Variants in MTAP observed in about 807,000 individuals in gnomAD.
MTAP encodes the protein methylthioadenosine phosphorylase, also known as S-methyl-5'-thioadenosine phosphorylase.
MTAP carries 33 observed loss-of-function variants against 33.6 expected under a neutral mutation model. That is an observed-to-expected ratio of 0.98 (90% CI 0.74 to 1.31). The LOEUF (loss-of-function observed/expected upper bound fraction) is 1.31. MTAP is among the 40% of genes most tolerant of loss of function. MTAP has a pLI of 0.00. For missense variants in MTAP, 367 were observed against 360.0 expected, an observed-to-expected ratio of 1.02 and a Z score of -0.16; for synonymous variants, 148 against 125.7, an observed-to-expected ratio of 1.18 and a Z score of -1.19.
chr9:21,883,119 A>T lies in MTAP; in HGVS notation c.147+28249A>T, dbSNP rs1818042147. The stretch of plus-strand genomic sequence containing the variant: ...ACAGGAGAAGATATATGCAATACTT[A>T]TAACTGAAAAAAAAAACAAAAACTG... On this transcript the variant is annotated intron_variant, in intron 1 of 1. Coordinates refer to the MTAP transcript ENST00000577563. Among the ~76,000 whole-genome samples, 3 of 151,772 alleles carry T rather than the reference A, an allele frequency of 2.0e-5. No homozygotes were observed. In the South Asian group the frequency reaches 6.2e-4, roughly 31 times the overall value.
intron 1 of MTAP, among the ~76,000 whole-genome samples, chr9:21,875,285 C>CA (rs1248970799): frequency 2.6e-5 from 4 of 152,070 alleles, no homozygotes; most frequent in Non-Finnish European, 5.9e-5. Flanking sequence ...TAATGATCGC[C>CA]ATTCTAACTG....
At chr9:21,915,021 T>TCCCTCCCTCCCTCCC (rs1563869363) in intron 1 of MTAP, among the ~76,000 whole-genome samples, 1 of 98,998 alleles carries the variant, frequency 1.0e-5, no homozygotes, top group African/African-American at 5.8e-5. Flanking sequence ...CCTTCCTTCC[T>TCCCTCCCTCCCTCCC]TCCTTCCTTC....
chr9:21,823,171 A>T (rs937507081), intron 4 of MTAP, among the ~76,000 whole-genome samples: 3 of 152,142 alleles, frequency 2.0e-5, no homozygotes, highest in African/African-American at 7.2e-5. Context: ...TCCTGTCACT[A>T]TGATGTTAGC....
chr9:21,846,561 G>C (rs918417949), intron 5 of MTAP, among the ~76,000 whole-genome samples: 14 of 152,138 alleles, frequency 9.2e-5, no homozygotes, highest in African/African-American at 3.4e-4. Flanking sequence ...TGCAAGAATG[G>C]CCATAATTTA....
intron 1 of MTAP, among the ~76,000 whole-genome samples, chr9:21,882,895 T>G (rs1007052993): frequency 3.3e-5 from 5 of 151,978 alleles, no homozygotes; most frequent in African/African-American, 4.8e-5. Flanking sequence ...CACTGGAAAT[T>G]TTGGTTTTCT....
At chr9:21,803,576 G>C (rs1400902021) in intron 1 of MTAP, among the ~76,000 whole-genome samples, 4 of 152,092 alleles carry the variant, frequency 2.6e-5, no homozygotes, top group Admixed American at 6.6e-5. Flanking sequence ...TGCTGAGGAG[G>C]GCACGAGTTC....
intron 4 of MTAP, among the ~76,000 whole-genome samples, chr9:21,824,375 C>G (rs548088545): frequency 3.3e-5 from 5 of 152,260 alleles, no homozygotes; most frequent in African/African-American, 9.6e-5. Flanking sequence ...CACTCCAGAC[C>G]CTGTTTGCCT....
intron 4 of MTAP, among the ~76,000 whole-genome samples, chr9:21,835,684 A>T (rs1391742947): frequency 5.9e-5 from 9 of 151,944 alleles, no homozygotes; most frequent in Admixed American, 6.5e-5. Flanking sequence ...AATTATACAC[A>T]TTTCATTCTG....
chr9:21,822,693 TTC>T (rs1278211060), intron 4 of MTAP, among the ~76,000 whole-genome samples: 1 of 152,164 alleles, frequency 6.6e-6, no homozygotes, highest in African/African-American at 2.4e-5. Flanking sequence ...CTTGTTAACT[TTC>T]TGTCTCGTTG....
At chr9:21,929,611 A>T (rs767105522) in intron 1 of MTAP, 3 of 333,062 alleles carry the variant, frequency 9.0e-6, no homozygotes, top group Non-Finnish European at 1.9e-5. Context: ...TTCCTCTAAA[A>T]CACCAGGGAG....
At chr9:21,855,940 T>C (rs1825632426) in intron 6 of MTAP, among the ~76,000 whole-genome samples, 1 of 152,232 alleles carries the variant, frequency 6.6e-6, no homozygotes, top group Non-Finnish European at 1.5e-5. Context: ...AATTTCTTAA[T>C]ATAATCAAAT....
At chr9:21,898,711 A>G (rs1563863618) in intron 1 of MTAP, among the ~76,000 whole-genome samples, 1 of 152,206 alleles carries the variant, frequency 6.6e-6, no homozygotes, top group Non-Finnish European at 1.5e-5. Flanking sequence ...TAGAATGGCG[A>G]TCATTAAAAA....
chr9:21,816,542 G>A (rs1198039836), intron 2 of MTAP, among the ~76,000 whole-genome samples, 172 bp from the exon 3 acceptor site: 1 of 152,168 alleles, frequency 6.6e-6, no homozygotes, highest in Non-Finnish European at 1.5e-5. Flanking sequence ...CCTGCAGAGG[G>A]ATCAATAAGT....
intron 4 of MTAP, among the ~76,000 whole-genome samples, chr9:21,820,842 A>T (rs1004576138): frequency 1.1e-4 from 17 of 152,014 alleles, no homozygotes; most frequent in African/African-American, 2.4e-4. Context: ...GTCCTTCACA[A>T]CCCTTGTAAG....
intron 5 of MTAP, among the ~76,000 whole-genome samples, chr9:21,848,309 C>T (rs774429373): frequency 5.9e-5 from 9 of 152,174 alleles, no homozygotes; most frequent in African/African-American, 1.4e-4. Context: ...CAAAAAGAAC[C>T]GCTTGAGTTT....
intron 7 of MTAP, 81 bp downstream of exon 7, chr9:21,859,506 C>G (rs1198611989): frequency 5.5e-6 from 8 of 1,464,438 alleles, no homozygotes; most frequent in Non-Finnish European, 7.3e-6. Context: ...CACCTTTGGT[C>G]CTCATGTATT....
At chr9:21,812,570 G>A (rs1349758936) in intron 1 of MTAP, among the ~76,000 whole-genome samples, 2 of 152,194 alleles carry the variant, frequency 1.3e-5, no homozygotes, top group African/African-American at 2.4e-5. Flanking sequence ...GAGGACTGAC[G>A]CTTCCTGCCC....
intron 1 of MTAP, among the ~76,000 whole-genome samples, chr9:21,919,599 G>A (rs1303647357): frequency 1.3e-5 from 2 of 152,210 alleles, no homozygotes; most frequent in African/African-American, 2.4e-5. Context: ...GTTCAAGGGT[G>A]TATGCAAAGG....
chr9:21,830,439 A>G (rs1225051749), intron 4 of MTAP, among the ~76,000 whole-genome samples: 1 of 152,176 alleles, frequency 6.6e-6, no homozygotes, highest in Non-Finnish European at 1.5e-5. Context: ...TAACTTGTAC[A>G]AGGTCCCCAT....
Sources: allele counts gnomAD v4.1 joint callset (sites outside exome capture counted in the v4.1 genomes callset), GRCh38; gene constraint gnomAD v4.1.1; transcripts MANE v1.5; gene names NCBI Gene and HGNC (gene_info 2026-07-23, HGNC 2026-07-21).